The following TTC39B variants were observed in gnomAD, a reference collection of about 807,000 sequenced individuals.
The protein encoded by TTC39B is tetratricopeptide repeat protein 39B.
Under a neutral mutation model 96.6 loss-of-function variants are expected in TTC39B, and 92 were observed. The observed-to-expected ratio is 0.95, with a 90% CI of 0.80 to 1.13. TTC39B has a LOEUF of 1.13. Ranked by LOEUF, TTC39B falls within the 50% of genes most tolerant of loss-of-function variation. The pLI, the probability that TTC39B is intolerant of heterozygous loss-of-function variation, is 0.00. For synonymous variants in TTC39B, 367 were observed against 299.4 expected (o/e 1.23, Z -2.33); for missense variants, 955 against 809.3 (o/e 1.18, Z -2.18).
In TTC39B at chr9:15,250,903, A is replaced by G. The variant is rs1049898861; in HGVS notation, c.275+17011T>C. ...GGACTCACTAATTTTTCTAATTATA[A>G]AAGTAATACCAGGGCTAGGCGCAGT... On this transcript the variant is annotated intron_variant, in intron 2 of 19. Transcript: ENST00000512701. Among the ~76,000 whole-genome samples the G allele has an allele frequency of 7.2e-5, 11 of 152,226 alleles. 1 individual carries two copies. The highest frequency in any genetic ancestry group is 2.7e-4 in the African/African-American group (11 of 41,452).
intron 3 of TTC39B, among the ~76,000 whole-genome samples, chr9:15,219,916 A>G (rs1820750482): frequency 6.6e-6 from 1 of 152,204 alleles, no homozygotes; most frequent in Admixed American, 6.5e-5. Context: ...ATTCAGAGCT[A>G]TGTCAAAAAG....
chr9:15,269,034 C>T (rs1174084983), intron 1 of TTC39B, among the ~76,000 whole-genome samples: 1 of 152,146 alleles, frequency 6.6e-6, no homozygotes, highest in Non-Finnish European at 1.5e-5. Flanking sequence ...AGTCAAACAT[C>T]CCACAGCTCT....
intron 1 of TTC39B, 27 bp downstream of exon 1, chr9:15,307,057 G>A: frequency 1.9e-6 from 3 of 1,606,152 alleles, no homozygotes; most frequent in South Asian, 1.1e-5. Context: ...TTCAGGGGCC[G>A]GGCCCGCAAT....
intron 15 of TTC39B, among the ~76,000 whole-genome samples, chr9:15,185,762 A>T (rs1431583168): frequency 6.6e-6 from 1 of 152,276 alleles, no homozygotes; most frequent in East Asian, 1.9e-4. Context: ...TCTACGAGTA[A>T]GCAGGAAAGA....
At chr9:15,269,667 C>T (rs918357346) in intron 1 of TTC39B, among the ~76,000 whole-genome samples, 8 of 151,968 alleles carry the variant, frequency 5.3e-5, no homozygotes, top group African/African-American at 1.9e-4. Flanking sequence ...GCCTGGCCCA[C>T]ATGGTGAATC....
At chr9:15,255,307 C>A (rs1554625500) in intron 2 of TTC39B, among the ~76,000 whole-genome samples, 1 of 151,828 alleles carries the variant, frequency 6.6e-6, no homozygotes, top group Non-Finnish European at 1.5e-5. Context: ...ATACACTATT[C>A]AAAAATGTAC....
intron 19 of TTC39B, among the ~76,000 whole-genome samples, chr9:15,173,067 G>C (rs1564305570): frequency 1.3e-5 from 2 of 152,180 alleles, no homozygotes; most frequent in Non-Finnish European, 2.9e-5. Context: ...ATTGTCTTGA[G>C]TTAGTGGAGG....
chr9:15,297,681 C>G (rs1233643022), intron 1 of TTC39B, among the ~76,000 whole-genome samples: 1 of 152,140 alleles, frequency 6.6e-6, no homozygotes, highest in African/African-American at 2.4e-5. Flanking sequence ...AATAATCATT[C>G]AACAAACAAA....
intron 19 of TTC39B, among the ~76,000 whole-genome samples, chr9:15,174,521 G>C (rs1460421685): frequency 2.0e-5 from 3 of 152,130 alleles, no homozygotes; most frequent in Admixed American, 2.0e-4. Flanking sequence ...GGTAAGATCT[G>C]CAAGCTTCAC....
chr9:15,261,147 C>A (rs1172893555), intron 2 of TTC39B, among the ~76,000 whole-genome samples: 2 of 152,108 alleles, frequency 1.3e-5, no homozygotes, highest in African/African-American at 4.8e-5. Flanking sequence ...ATTTTTGTCC[C>A]ATTGCCCACA....
intron 2 of TTC39B, among the ~76,000 whole-genome samples, chr9:15,234,891 G>GCGGAAGGC (rs1477030563): frequency 2.6e-5 from 4 of 151,858 alleles, no homozygotes; most frequent in Non-Finnish European, 5.9e-5. Context: ...CACAAACACT[G>GCGGAAGGC]CGGAAGGCCG....
intron 3 of TTC39B, among the ~76,000 whole-genome samples, chr9:15,217,856 G>A (rs937641715): frequency 2.0e-5 from 3 of 151,280 alleles, no homozygotes; most frequent in Non-Finnish European, 4.4e-5. Context: ...CACATGAACT[G>A]GAAATTGGCT....
intron 1 of TTC39B, among the ~76,000 whole-genome samples, chr9:15,285,187 T>C (rs1044838542): frequency 4.6e-5 from 7 of 150,998 alleles, no homozygotes; most frequent in African/African-American, 1.7e-4. Context: ...GAGAATGGCG[T>C]GAACCCGGGA....
chr9:15,256,121 T>C (rs1287738311), intron 2 of TTC39B, among the ~76,000 whole-genome samples: 1 of 152,180 alleles, frequency 6.6e-6, no homozygotes, highest in Non-Finnish European at 1.5e-5. Flanking sequence ...TCCACCCTTG[T>C]AAATGGGATT....
At chr9:15,179,735 G>A (rs1387252018) in intron 17 of TTC39B, among the ~76,000 whole-genome samples, 1 of 152,174 alleles carries the variant, frequency 6.6e-6, no homozygotes, top group Non-Finnish European at 1.5e-5. Context: ...TGTATCGACA[G>A]TTTGTATTAT....
intron 8 of TTC39B, 44 bp from the exon 9 acceptor site, chr9:15,192,739 C>G (rs1344568891): frequency 1.5e-6 from 2 of 1,325,392 alleles, no homozygotes; most frequent in African/African-American, 2.9e-5. Flanking sequence ...GACCATGACT[C>G]TGAAAATAAA....
chr9:15,196,204 T>C (rs1050055973), intron 8 of TTC39B, among the ~76,000 whole-genome samples: 3 of 152,242 alleles, frequency 2.0e-5, no homozygotes, highest in African/African-American at 2.4e-5. Flanking sequence ...AAGGATTATA[T>C]TGTTTTCATG....
Position 15,225,924 on chromosome 9 carries a change from C to G in TTC39B, c.364G>C (p.Val122Leu). 6.2e-7 allele frequency: 1 copy of G among 1,613,648 alleles called. No individual in the cohort carries two copies. The highest frequency in any genetic ancestry group is 8.5e-7 in the Non-Finnish European group (1 of 1,179,686). ...CCCACAACCCTTCCTGACCTGCTGA[C>G]AGTAGACGCTCCGCGCTGTCTGGGC... is the stretch of plus-strand genomic sequence containing the variant. Residue 122 changes from valine to leucine, a missense_variant, in exon 3 of 20, where the codon GTC (valine) becomes CTC (leucine). Coordinates refer to ENST00000512701, the Ensembl canonical transcript of TTC39B.
intron 1 of TTC39B, among the ~76,000 whole-genome samples, chr9:15,284,502 T>C (rs957664158): frequency 6.6e-6 from 1 of 152,194 alleles, no homozygotes; most frequent in Non-Finnish European, 1.5e-5. Flanking sequence ...AAATAAATTA[T>C]AGTACAATTA....
Sources: allele counts gnomAD v4.1 joint callset (sites outside exome capture counted in the v4.1 genomes callset), GRCh38; gene constraint gnomAD v4.1.1; transcripts MANE v1.5; gene names NCBI Gene and HGNC (gene_info 2026-07-23, HGNC 2026-07-21).